Variants in KTN1 observed in about 807,000 individuals in gnomAD.
KTN1 encodes the protein kinectin.
KTN1 carries 130 observed loss-of-function variants against 222.5 expected under a neutral mutation model. The ratio of observed to expected loss-of-function variants is 0.58; its 90% confidence interval spans 0.51 to 0.68. The LOEUF is 0.68. Among genes scored for constraint, KTN1 ranks in the 30% least tolerant of loss-of-function variants. KTN1 has a pLI of 0.00. For synonymous variants in KTN1, 512 were observed against 496.3 expected, an observed-to-expected ratio of 1.03 and a Z score of -0.42; for missense variants, 1,508 against 1,500.4, an observed-to-expected ratio of 1.01 and a Z score of -0.08.
intron 1 of KTN1, among the ~76,000 whole-genome samples, chr14:55,604,026 C>G (rs1424423884): frequency 4.6e-5 from 7 of 152,148 alleles, no homozygotes. Flanking sequence ...ACAGTTCTCC[C>G]TGATTTCACT....
intron 5 of KTN1, among the ~76,000 whole-genome samples, chr14:55,627,699 G>A (rs1369594251): frequency 6.6e-6 from 1 of 152,118 alleles, no homozygotes; most frequent in Non-Finnish European, 1.5e-5. Flanking sequence ...CCACTTATGA[G>A]TGAGAACATG....
chr14:55,673,334 T>C (rs1174002962), intron 40 of KTN1, 79 bp downstream of exon 40: 3 of 855,030 alleles, frequency 3.5e-6, no homozygotes, highest in Admixed American at 2.5e-5. Flanking sequence ...CATCCAGGCT[T>C]TTTTTTCTTT....
chr14:55,617,299 TGAAAA>T (rs1344511094), intron 3 of KTN1, among the ~76,000 whole-genome samples: 1 of 152,182 alleles, frequency 6.6e-6, no homozygotes, highest in South Asian at 2.1e-4. Flanking sequence ...AAGGTAGGAA[TGAAAA>T]GAAAAGAGAT....
rs1370109557 is a variant in KTN1, at chr14:55,639,954, C to A, written c.1865C>A (p.Ser622Tyr). Residue 622 changes from serine to tyrosine, a missense_variant, in exon 14 of 44, where the codon TCT becomes TAT. Ser to Tyr is a moderately radical substitution (Grantham distance 144). Transcript: ENST00000395314. ...KDKQIKQTED[S>Y]LASERDRLTS... is the part of the protein sequence containing the mutation. The stretch of plus-strand genomic sequence containing the variant: ...AAGCAGATAAAACAGACTGAAGATT[C>A]TTTAGCAAGTGAACGTGATCGTTTA... 3.1e-6 allele frequency: 5 copies of A among 1,608,874 alleles called. No homozygotes were observed. The highest frequency in any genetic ancestry group is 2.7e-5 in the African/African-American group (2 of 74,708).
chr14:55,629,950 C>A lies in KTN1; in HGVS notation c.1081-7C>A. 1 of 1,565,498 alleles carries A rather than the reference C, an allele frequency of 6.4e-7. No homozygotes were observed. Among genetic ancestry groups the A allele is most frequent in the Non-Finnish European group, 8.8e-7 (1 of 1,140,538 alleles). Reference sequence around the variant, plus strand: ...CAAGTTTTTAAATTTCTGGGATATTCTTTTAGGAAATGATGACAGAGAAAG... The same window carrying A: ...CAAGTTTTTAAATTTCTGGGATATTATTTTAGGAAATGATGACAGAGAAAG... On this transcript the variant is annotated splice_region_variant and splice_polypyrimidine_tract_variant and intron_variant, in intron 6 of 43. Coordinates refer to ENST00000395314, the MANE Select transcript of KTN1 (RefSeq NM_001079521.2).
chr14:55,628,015 A>G lies in KTN1; in HGVS notation c.1067A>G (p.Lys356Arg). 6.2e-7 allele frequency: 1 copy of G among 1,608,486 alleles called. No individual in the cohort carries two copies. Among genetic ancestry groups the G allele is most frequent in the Non-Finnish European group, 8.5e-7 (1 of 1,174,984 alleles). Residue 356 changes from lysine to arginine, a missense_variant, in exon 6 of 44, where the codon AAG becomes AGG. Lys to Arg is a conservative substitution (Grantham distance 26, BLOSUM62 2). Coordinates refer to ENST00000395314, the MANE Select transcript of KTN1 (RefSeq NM_001079521.2). Reference sequence around the variant, plus strand: ...GCTGCTGCTACAAAGGATCGGTGTAAGCAGTTAACCCAGGTGAAGACATTC... The same window carrying G: ...GCTGCTGCTACAAAGGATCGGTGTAGGCAGTTAACCCAGGTGAAGACATTC... ...EDAAATKDRC[K>R]QLTQEMMTEK...
chr14:55,644,212 T>C (rs1268947655), intron 18 of KTN1: 1 of 501,300 alleles, frequency 2.0e-6, no homozygotes, highest in African/African-American at 1.9e-5. Context: ...AAGATTGGTA[T>C]AATCTTAATT....
At chr14:55,633,433 G>C in intron 8 of KTN1, 92 bp downstream of exon 8, 3 of 727,740 alleles carry the variant, frequency 4.1e-6, no homozygotes, top group East Asian at 6.5e-5. Flanking sequence ...TAATTGGTTA[G>C]ACTTTTGTGT....
At chr14:55,622,595 A>G (rs2039304563) in intron 5 of KTN1, among the ~76,000 whole-genome samples, 1 of 152,210 alleles carries the variant, frequency 6.6e-6, no homozygotes, top group African/African-American at 2.4e-5. Flanking sequence ...TTCTAAAAAC[A>G]CACACATGCA....
chr14:55,633,162 A>C (rs1478764971), intron 7 of KTN1, 73 bp from the exon 8 acceptor site: 2 of 679,022 alleles, frequency 2.9e-6, no homozygotes, highest in East Asian at 6.5e-5. Flanking sequence ...TTCTCATTTT[A>C]ATAAAGTTTA....
At chr14:55,634,711 G>A in intron 9 of KTN1, 53 bp downstream of exon 9, 1 of 1,515,888 alleles carries the variant, frequency 6.6e-7, no homozygotes, top group Non-Finnish European at 8.9e-7. Context: ...AGGCGTATTA[G>A]TTCGTTTTCA....
intron 9 of KTN1, 101 bp downstream of exon 9, chr14:55,634,759 T>G (rs553748634): frequency 8.3e-4 from 821 of 991,018 alleles, no homozygotes; most frequent in Non-Finnish European, 1.1e-3. Context: ...GGGTAAATTT[T>G]TAAGGAAAGA....
intron 7 of KTN1, among the ~76,000 whole-genome samples, chr14:55,632,857 C>CT (rs1049386728): frequency 2.0e-5 from 3 of 152,082 alleles, no homozygotes; most frequent in Admixed American, 1.3e-4. Context: ...TTACTAAAGA[C>CT]TTTAAGAATA....
chr14:55,631,606 G>A (rs1022247670), intron 7 of KTN1, among the ~76,000 whole-genome samples: 4 of 151,710 alleles, frequency 2.6e-5, no homozygotes, highest in Non-Finnish European at 4.4e-5. Flanking sequence ...AACATAGTGG[G>A]ACCCCATTCT....
chr14:55,581,745 TGCTGGTGAGACTTGGGATAATGATCCCAA>T (rs1156649491), intron 1 of KTN1, among the ~76,000 whole-genome samples: 3,252 of 152,174 alleles, frequency 0.021, 123 homozygotes, highest in African/African-American at 0.074. Flanking sequence ...CCGAAGCAAT[TGCTGGTGAGACTTGGGATAATGATCCCAA>T]GCTGGTGAGA....
chr14:55,619,054 G>A (rs2038780672), intron 4 of KTN1, 128 bp from the exon 5 acceptor site: 4 of 666,752 alleles, frequency 6.0e-6, no homozygotes, highest in Non-Finnish European at 1.0e-5. Context: ...TTAACCTGAA[G>A]TATATATCTG....
chr14:55,663,284 C>A, intron 32 of KTN1: 1 of 179,616 alleles, frequency 5.6e-6, no homozygotes, highest in Non-Finnish European at 1.2e-5. Flanking sequence ...GAATGAAATG[C>A]TGTTAAAATC....
chr14:55,643,923 A>G (rs2042041305), intron 18 of KTN1, among the ~76,000 whole-genome samples: 1 of 152,168 alleles, frequency 6.6e-6, no homozygotes, highest in South Asian at 2.1e-4. Context: ...TGTTATGAAG[A>G]ATAATTCACA....
intron 3 of KTN1, 91 bp downstream of exon 3, chr14:55,616,745 C>T: frequency 9.8e-7 from 1 of 1,023,690 alleles, no homozygotes; most frequent in Admixed American, 2.8e-5. Context: ...TCTTTAGCTC[C>T]CAGTTTAATG....
Sources: allele counts gnomAD v4.1 joint callset (sites outside exome capture counted in the v4.1 genomes callset), GRCh38; gene constraint gnomAD v4.1.1; transcripts MANE v1.5; gene names NCBI Gene and HGNC (gene_info 2026-07-23, HGNC 2026-07-21).